RGPD4: variants seen among roughly 807,000 people sequenced by gnomAD.
RGPD4 encodes ranBP2-like and GRIP domain-containing protein 4.
RGPD4 carries 84 observed loss-of-function variants against 141.1 expected under a neutral mutation model. The observed-to-expected ratio is 0.60, with a 90% CI of 0.50 to 0.71. The LOEUF is 0.71. Ranked by LOEUF, RGPD4 falls within the 30% of genes least tolerant of loss-of-function variation. The pLI is 0.00. For missense variants in RGPD4, 918 were observed against 1,622.4 expected (o/e 0.57, Z 7.46); for synonymous variants, 298 against 566.8 (o/e 0.53, Z 6.74).
intron 22 of RGPD4, among the ~76,000 whole-genome samples, chr2:107,888,319 T>C (rs1675564184): frequency 6.9e-6 from 1 of 144,656 alleles, no homozygotes; most frequent in South Asian, 2.3e-4. Flanking sequence ...AATTTTTATT[T>C]TGTCAAAAAT....
At chr2:107,881,044 C>T (rs893801185) in intron 21 of RGPD4, among the ~76,000 whole-genome samples, 1 of 151,370 alleles carries the variant, frequency 6.6e-6, no homozygotes, top group Non-Finnish European at 1.5e-5. Context: ...AAAATTCAAA[C>T]TCATAGCTGT....
At chr2:107,883,971 C>G (rs1261923421) in intron 22 of RGPD4, among the ~76,000 whole-genome samples, 1 of 152,000 alleles carries the variant, frequency 6.6e-6, no homozygotes, top group African/African-American at 2.4e-5. Context: ...GTGAATAATT[C>G]AATGTTTATT....
At chr2:107,874,763 G>A (rs1018143603) in intron 20 of RGPD4, among the ~76,000 whole-genome samples, 3 of 150,910 alleles carry the variant, frequency 2.0e-5, no homozygotes, top group African/African-American at 7.4e-5. Flanking sequence ...GAAGACTTTA[G>A]ACATGAGTAA....
At chr2:107,865,896 C>A (rs959524261) in intron 17 of RGPD4, among the ~76,000 whole-genome samples, 17 of 142,276 alleles carry the variant, frequency 1.2e-4, no homozygotes, top group Non-Finnish European at 3.0e-5. Flanking sequence ...ATGGTGAAAC[C>A]GCATCTCTAC....
intron 20 of RGPD4, among the ~76,000 whole-genome samples, chr2:107,877,467 TA>T (rs1219191571): frequency 2.6e-5 from 4 of 151,168 alleles, no homozygotes; most frequent in South Asian, 2.1e-4. Context: ...TCTGGGCTCT[TA>T]ACTGTATGAG....
chr2:107,872,178 C>T lies in RGPD4; in HGVS notation c.4174C>T (p.Gln1392Ter), dbSNP rs1281644410. 1 of 1,611,444 alleles carries T rather than the reference C, an allele frequency of 6.2e-7. No individual in the cohort carries two copies. Among genetic ancestry groups the T allele is most frequent in the Non-Finnish European group, 8.5e-7 (1 of 1,179,834 alleles). ...IKILQNYDNKQVRIVMRRDQV... is the reference protein window; with the variant it reads ...IKILQNYDNK ...GATTTTACAGAATTATGATAATAAG[C>T]AAGTTCGTATAGTGATGAGAAGGGA... The change falls in exon 20 of 23, where the codon CAA (glutamine) becomes TAA (stop). Residue 1392 changes from glutamine (Q) to a stop codon, truncating the protein, a stop_gained. Transcript: ENST00000408999. LOFTEE classifies it high-confidence loss of function.
Position 107,859,772 on chromosome 2 carries a change from C to G in RGPD4, c.1685C>G (p.Thr562Ser). 1 of 1,610,756 alleles carries G rather than the reference C, an allele frequency of 6.2e-7. No homozygotes were observed. Among genetic ancestry groups the G allele is most frequent in the Non-Finnish European group, 8.5e-7 (1 of 1,179,796 alleles). The change falls in exon 12 of 23, where the codon ACT becomes AGT. Residue 562 changes from threonine to serine, a missense_variant. Transcript: ENST00000408999. ...LRLLVQHEINTLRAQEKHGLQ... is the reference protein window; with the variant it reads ...LRLLVQHEINSLRAQEKHGLQ... ...CTTTTAGTTCAGCATGAAATAAACA[C>G]TCTAAGAGCCCAGGAAAAACATGGC...
intron 22 of RGPD4, among the ~76,000 whole-genome samples, chr2:107,889,144 G>A (rs1426342175): frequency 6.7e-6 from 1 of 149,712 alleles, no homozygotes; most frequent in Non-Finnish European, 1.5e-5. Context: ...AACACAGAAT[G>A]GTGTCTGGAA....
Position 107,870,792 on chromosome 2 carries a change from C to A in RGPD4, c.2788C>A (p.Pro930Thr). The A allele has an allele frequency of 1.9e-6, 3 of 1,607,058 alleles. No homozygotes were observed. Among genetic ancestry groups the A allele is most frequent in the Non-Finnish European group, 2.5e-6 (3 of 1,176,848 alleles). Residue 930 changes from proline to threonine, a missense_variant, in exon 20 of 23, where the codon CCA becomes ACA. Physicochemically the swap from Pro to Thr is conservative, Grantham distance 38. Coordinates refer to ENST00000408999, the MANE Select transcript of RGPD4 (RefSeq NM_182588.3). The part of the protein sequence containing the change: ...ADGFKFGISE[P>T]GNQEKESEKP... ...TGGATTTAAATTTGGCATTTCGGAA[C>A]CAGGAAATCAAGAAAAGGAAAGTGA...
Position 107,829,763 on chromosome 2 carries a change from C to A in RGPD4, c.72+2678C>A, listed in dbSNP as rs560430281. 2.0e-4 allele frequency among the ~76,000 whole-genome samples: 30 copies of A among 152,186 alleles called. No homozygotes were observed. The South Asian group carries it at 5.8e-3, about 29-fold the overall frequency. Reference sequence around the variant, plus strand: ...GCTTGTTCCCGACGCTTGTTCCCGACGGTGCTCGCTCCTGGGCCCGTCCTG... The same window carrying A: ...GCTTGTTCCCGACGCTTGTTCCCGAAGGTGCTCGCTCCTGGGCCCGTCCTG... On this transcript the variant is annotated intron_variant, in intron 1 of 22. Transcript: ENST00000408999.
intron 1 of RGPD4, among the ~76,000 whole-genome samples, chr2:107,829,687 G>T (rs1681397591): frequency 6.6e-6 from 1 of 152,136 alleles, no homozygotes; most frequent in Non-Finnish European, 1.5e-5. Flanking sequence ...AGTCCTGGGG[G>T]GACCGCGGCG....
At chr2:107,846,995 A>T (rs1681975068) in intron 6 of RGPD4, among the ~76,000 whole-genome samples, 1 of 151,678 alleles carries the variant, frequency 6.6e-6, no homozygotes, top group South Asian at 2.1e-4. Context: ...TAATCCCAGC[A>T]CTTTGGGAGG....
chr2:107,880,245 G>C, intron 21 of RGPD4, 138 bp downstream of exon 21: 1 of 807,778 alleles, frequency 1.2e-6, no homozygotes, highest in South Asian at 2.0e-5. Flanking sequence ...ATTCCTGATG[G>C]TGAGAAATAT....
chr2:107,877,727 A>T (rs1385410170), intron 20 of RGPD4, among the ~76,000 whole-genome samples: 6 of 151,734 alleles, frequency 4.0e-5, no homozygotes, highest in African/African-American at 1.5e-4. Flanking sequence ...TGTGTTATCT[A>T]ACAGTTTATC....
chr2:107,830,624 A>G (rs1391297907), intron 1 of RGPD4, among the ~76,000 whole-genome samples: 1 of 152,076 alleles, frequency 6.6e-6, no homozygotes, highest in East Asian at 1.9e-4. Context: ...GAGTAACTGG[A>G]ACATGTGAAG....
chr2:107,856,097 G>A lies in RGPD4; in HGVS notation c.1067-663G>A, dbSNP rs4122456. Among the ~76,000 whole-genome samples, 157 of 129,904 alleles carry A rather than the reference G, an allele frequency of 1.2e-3. 1 individual carries two copies. The highest frequency in any genetic ancestry group is 4.4e-3 in the African/African-American group (133 of 30,154). 85.2% of individuals were successfully genotyped at this position (129,904 alleles called of 152,430 possible). ...CTGAGACAGTCTTACTCTGTCGCCCGGGCTGGAGTGCAGTGGCGTGATCTC... is the reference window on the plus strand; with the variant it reads ...CTGAGACAGTCTTACTCTGTCGCCCAGGCTGGAGTGCAGTGGCGTGATCTC... On this transcript the variant is annotated intron_variant, in intron 8 of 22. Transcript: ENST00000408999.
At chr2:107,854,046 G>A (rs904253015) in intron 7 of RGPD4, among the ~76,000 whole-genome samples, 11 of 145,810 alleles carry the variant, frequency 7.5e-5, no homozygotes, top group African/African-American at 2.6e-4. Context: ...AACATGTCTG[G>A]CCCCTCTCTT....
At chr2:107,855,958 C>G (rs1433218353) in intron 8 of RGPD4, among the ~76,000 whole-genome samples, 4 of 91,604 alleles carry the variant, frequency 4.4e-5, no homozygotes, top group African/African-American at 2.2e-4. Flanking sequence ...TGTGTTATAG[C>G]ATGTATCAGT....
intron 6 of RGPD4, among the ~76,000 whole-genome samples, chr2:107,847,679 T>G (rs1661377): frequency 0.25 from 9,936 of 39,824 alleles, 3,643 homozygotes; most frequent in African/African-American, 0.59. Flanking sequence ...AAAAAGTTTA[T>G]CGGGGCATGG....
Sources: allele counts gnomAD v4.1 joint callset (sites outside exome capture counted in the v4.1 genomes callset), GRCh38; gene constraint gnomAD v4.1.1; transcripts MANE v1.5; gene names NCBI Gene and HGNC (gene_info 2026-07-23, HGNC 2026-07-21).